The following HPSE2 variants were observed in gnomAD, a reference collection of about 807,000 sequenced individuals.
HPSE2 encodes inactive heparanase-2.
Under a neutral mutation model 60.5 loss-of-function variants are expected in HPSE2, and 38 were observed. The observed-to-expected ratio is 0.63, with a 90% CI of 0.48 to 0.82. The LOEUF is 0.82. Among genes scored for constraint, HPSE2 ranks in the 40% least tolerant of loss-of-function variants. HPSE2 has a pLI of 0.00. For missense variants in HPSE2, 713 were observed against 740.4 expected (o/e 0.96, Z 0.43); for synonymous variants, 295 against 293.2 (o/e 1.01, Z -0.06).
chr10:98,547,632 A>G (rs971819811), intron 9 of HPSE2, among the ~76,000 whole-genome samples: 1 of 123,604 alleles, frequency 8.1e-6, no homozygotes, highest in Admixed American at 1.0e-4. Context: ...AGGAAGGGGA[A>G]CATCACACTC....
intron 9 of HPSE2, among the ~76,000 whole-genome samples, chr10:98,509,215 G>A (rs987999509): frequency 1.3e-5 from 2 of 152,058 alleles, no homozygotes; most frequent in African/African-American, 4.8e-5. Flanking sequence ...TTGGGAGGCT[G>A]AGGCAGGAGA....
intron 3 of HPSE2, among the ~76,000 whole-genome samples, chr10:99,050,511 G>A (rs529627195): frequency 2.6e-5 from 4 of 152,194 alleles, no homozygotes; most frequent in East Asian, 3.9e-4. Context: ...TATGAATTAT[G>A]TATGTCAAAG....
chr10:98,942,924 C>T (rs989139292), intron 3 of HPSE2, among the ~76,000 whole-genome samples: 51 of 151,816 alleles, frequency 3.4e-4, no homozygotes, highest in African/African-American at 1.2e-3. Flanking sequence ...AGTTCATGTC[C>T]TTTGTAGGGA....
intron 3 of HPSE2, among the ~76,000 whole-genome samples, chr10:99,115,829 A>T (rs1368887707): frequency 6.6e-6 from 1 of 152,176 alleles, no homozygotes; most frequent in Non-Finnish European, 1.5e-5. Context: ...TTGTACTTAA[A>T]ATTTGACTTA....
At chr10:98,529,018 GT>G (rs1943054780) in intron 9 of HPSE2, among the ~76,000 whole-genome samples, 1 of 152,234 alleles carries the variant, frequency 6.6e-6, no homozygotes, top group Admixed American at 6.5e-5. Context: ...TAATCATGAT[GT>G]TTTTGGGTTC....
In HPSE2 at chr10:98,722,780, C is replaced by T. The variant is rs561905689; in HGVS notation, c.785-952G>A. Among the ~76,000 whole-genome samples, 130 of 152,202 alleles carry T rather than the reference C, an allele frequency of 8.5e-4. 1 individual carries two copies. The highest frequency in any genetic ancestry group is 3.1e-3 in the African/African-American group (128 of 41,532). The stretch of plus-strand genomic sequence containing the variant: ...GTGTGCATACCCCAGGAAAGGCCAA[C>T]ATCTCAGCTGGCTTGAGACTATGAT... On this transcript the variant is annotated intron_variant, in intron 4 of 11. Coordinates refer to ENST00000370552, the MANE Select transcript of HPSE2 (RefSeq NM_021828.5).
intron 2 of HPSE2, among the ~76,000 whole-genome samples, chr10:99,176,450 C>T (rs1490232792): frequency 1.3e-5 from 2 of 152,050 alleles, no homozygotes; most frequent in Non-Finnish European, 2.9e-5. Context: ...AGCTGAAAAA[C>T]ACAACACAAG....
the HPSE2 span, among the ~76,000 whole-genome samples, chr10:99,275,323 G>GT: frequency 6.6e-6 from 1 of 152,090 alleles, no homozygotes; most frequent in East Asian, 1.9e-4. Context: ...GTACATCTCT[G>GT]TTTTCTTTGC....
intron 3 of HPSE2, among the ~76,000 whole-genome samples, chr10:98,992,197 A>G (rs1350655205): frequency 6.6e-6 from 1 of 152,192 alleles, no homozygotes; most frequent in Non-Finnish European, 1.5e-5. Context: ...TCACTGGATA[A>G]AATACTTTAT....
chr10:99,288,191 C>T, the HPSE2 span, among the ~76,000 whole-genome samples: 6 of 152,190 alleles, frequency 3.9e-5, no homozygotes, highest in Admixed American at 6.5e-5. Context: ...AAGGGATAGG[C>T]TAGATTACAT....
chr10:98,838,554 A>T (rs2134682076), intron 3 of HPSE2, among the ~76,000 whole-genome samples: 1 of 150,702 alleles, frequency 6.6e-6, no homozygotes, highest in South Asian at 2.1e-4. Context: ...TCCCCCGAGT[A>T]GCTGTGATTA....
chr10:99,253,498 A>G, the HPSE2 span, among the ~76,000 whole-genome samples: 1 of 152,266 alleles, frequency 6.6e-6, no homozygotes, highest in African/African-American at 2.4e-5. Context: ...TCAATTTATA[A>G]GAATCCTAGA....
chr10:99,305,977 GCGCACACA>G, the HPSE2 span, among the ~76,000 whole-genome samples: 2 of 53,714 alleles, frequency 3.7e-5, no homozygotes, highest in African/African-American at 1.1e-4. Context: ...GCGCGCGCGC[GCGCACACA>G]CACACACACA....
intron 3 of HPSE2, among the ~76,000 whole-genome samples, chr10:99,045,551 T>C (rs1957835767): frequency 6.6e-6 from 1 of 151,888 alleles, no homozygotes; most frequent in Admixed American, 6.6e-5. Context: ...AGACAAGAAT[T>C]CATTCTCCAA....
At chr10:98,525,400 C>T (rs1022279305) in intron 9 of HPSE2, among the ~76,000 whole-genome samples, 2 of 152,230 alleles carry the variant, frequency 1.3e-5, no homozygotes, top group South Asian at 2.1e-4. Context: ...ACATCTCCTT[C>T]GTCTTGTCAT....
intron 9 of HPSE2, among the ~76,000 whole-genome samples, chr10:98,561,648 G>C (rs979109147): frequency 6.6e-6 from 1 of 152,148 alleles, no homozygotes; most frequent in Non-Finnish European, 1.5e-5. Flanking sequence ...AGGAGTTCGA[G>C]ACCAGCCTGG....
the HPSE2 span, among the ~76,000 whole-genome samples, chr10:99,302,469 A>G: frequency 6.6e-6 from 1 of 152,270 alleles, no homozygotes; most frequent in South Asian, 2.1e-4. Flanking sequence ...TGGCTGACAG[A>G]GCAGCTAAGA....
chr10:99,303,810 C>T, the HPSE2 span, among the ~76,000 whole-genome samples: 1 of 152,042 alleles, frequency 6.6e-6, no homozygotes, highest in Non-Finnish European at 1.5e-5. Context: ...GTTTTTTACC[C>T]CTCCTAGGAT....
intron 3 of HPSE2, among the ~76,000 whole-genome samples, chr10:99,019,185 G>A (rs528176469): frequency 4.1e-4 from 63 of 152,310 alleles, no homozygotes; most frequent in African/African-American, 1.4e-3. Context: ...ATGTAAGGAA[G>A]CACATGTTCC....
Sources: allele counts gnomAD v4.1 joint callset (sites outside exome capture counted in the v4.1 genomes callset), GRCh38; gene constraint gnomAD v4.1.1; transcripts MANE v1.5; gene names NCBI Gene and HGNC (gene_info 2026-07-23, HGNC 2026-07-21).